RAB27A: variants seen among roughly 807,000 people sequenced by gnomAD.
RAB27A encodes RAB27A, member RAS oncogene family, also known as ras-related protein Rab-27A.
In RAB27A, 17 loss-of-function variants were observed where a neutral mutation model predicts 20.8. The observed-to-expected ratio is 0.82, with a 90% CI of 0.56 to 1.23. The LOEUF (loss-of-function observed/expected upper bound fraction) is 1.23, where lower values mean the gene tolerates loss of function less well. Ranked by LOEUF, RAB27A falls within the 50% of genes most tolerant of loss-of-function variation. The pLI is 0.00. For missense variants in RAB27A, 277 were observed against 266.7 expected (o/e 1.04, Z -0.27); for synonymous variants, 85 against 92.8 (o/e 0.92, Z 0.48).
intron 2 of RAB27A, among the ~76,000 whole-genome samples, chr15:55,310,245 A>C (rs138373299): frequency 0.051 from 7,785 of 152,178 alleles, 276 homozygotes; most frequent in East Asian, 0.15. Context: ...GATCTGGAGG[A>C]CAGTTGTCCA....
At chr15:55,256,681 A>G (rs528023142) in intron 2 of RAB27A, among the ~76,000 whole-genome samples, 67 of 152,352 alleles carry the variant, frequency 4.4e-4, no homozygotes, top group African/African-American at 1.6e-3. Flanking sequence ...CTTATGAGGT[A>G]ATGTGACAAA....
At chr15:55,271,669 G>A (rs192602957) in intron 1 of RAB27A, among the ~76,000 whole-genome samples, 71 of 152,340 alleles carry the variant, frequency 4.7e-4, no homozygotes, top group African/African-American at 1.6e-3. Context: ...GAAGACAGGG[G>A]TTGTATCTTG....
At chr15:55,262,036 C>CAA (rs75960374) in intron 2 of RAB27A, among the ~76,000 whole-genome samples, 4 of 84,124 alleles carry the variant, frequency 4.8e-5, no homozygotes, top group African/African-American at 8.7e-5. Context: ...GACTCCATCC[C>CAA]AAAAAAAAAA....
intron 1 of RAB27A, among the ~76,000 whole-genome samples, chr15:55,314,714 G>T (rs921162840): frequency 6.6e-6 from 1 of 152,168 alleles, no homozygotes; most frequent in African/African-American, 2.4e-5. Context: ...CAAGGGATGT[G>T]AAGGACCTCT....
intron 2 of RAB27A, among the ~76,000 whole-genome samples, chr15:55,256,905 G>C (rs137893315): frequency 6.6e-6 from 1 of 152,154 alleles, no homozygotes. Flanking sequence ...AATTTAAGTG[G>C]GGTCATGGTG....
chr15:55,265,128 G>C (rs1897417914), intron 2 of RAB27A, among the ~76,000 whole-genome samples: 1 of 152,158 alleles, frequency 6.6e-6, no homozygotes, highest in South Asian at 2.1e-4. Flanking sequence ...TGTAATCCCA[G>C]CTACTTGGGA....
exon 1 of RAB27A, chr15:55,319,079 G>C: frequency 2.6e-6 from 2 of 760,964 alleles, no homozygotes; most frequent in Non-Finnish European, 4.0e-6. Context: ...TTCGGAAACG[G>C]CGAAAGGAAA....
At chr15:55,228,241 G>C (rs984170699) in intron 5 of RAB27A, among the ~76,000 whole-genome samples, 9 of 152,160 alleles carry the variant, frequency 5.9e-5, no homozygotes, top group Non-Finnish European at 7.3e-5. Flanking sequence ...AGAGATGATA[G>C]AAGAATTGAT....
chr15:55,229,398 A>T (rs2140975396), intron 4 of RAB27A, among the ~76,000 whole-genome samples: 1 of 152,336 alleles, frequency 6.6e-6, no homozygotes, highest in South Asian at 2.1e-4. Flanking sequence ...GTTCTTGGCC[A>T]GGGGCCATGG....
At chr15:55,232,906 T>C (rs1031402530) in intron 3 of RAB27A, among the ~76,000 whole-genome samples, 2 of 152,132 alleles carry the variant, frequency 1.3e-5, no homozygotes, top group African/African-American at 4.8e-5. Flanking sequence ...GGTGGATCAC[T>C]TGAGGCCAGG....
At chr15:55,272,306 G>C (rs1190805427) in intron 1 of RAB27A, among the ~76,000 whole-genome samples, 2 of 152,214 alleles carry the variant, frequency 1.3e-5, no homozygotes, top group Non-Finnish European at 1.5e-5. Context: ...GGCTGAGGCA[G>C]GAGAATGCCG....
intron 2 of RAB27A, chr15:55,237,202 T>C (rs2140996682): frequency 6.6e-6 from 1 of 152,334 alleles, no homozygotes. Flanking sequence ...CCATATTCAG[T>C]GCTTCCTGTA....
chr15:55,210,274 A>G (rs1311103215), intron 6 of RAB27A, among the ~76,000 whole-genome samples: 5 of 126,106 alleles, frequency 4.0e-5, no homozygotes, highest in South Asian at 2.5e-4. Context: ...TGGTAGTTCT[A>G]TTTTTAGTTT....
intron 2 of RAB27A, among the ~76,000 whole-genome samples, chr15:55,295,405 G>A (rs983179402): frequency 6.6e-6 from 1 of 152,166 alleles, no homozygotes; most frequent in Non-Finnish European, 1.5e-5. Flanking sequence ...TTGTACATAA[G>A]TGTTCATAGC....
intron 1 of RAB27A, among the ~76,000 whole-genome samples, chr15:55,275,477 A>G (rs1191975980): frequency 6.6e-6 from 1 of 151,270 alleles, no homozygotes; most frequent in Non-Finnish European, 1.5e-5. Flanking sequence ...AAATACAAAA[A>G]TTAGCTGGGC....
At chr15:55,218,720 G>A (rs1024843481) in intron 6 of RAB27A, among the ~76,000 whole-genome samples, 2 of 151,150 alleles carry the variant, frequency 1.3e-5, no homozygotes, top group African/African-American at 4.9e-5. Flanking sequence ...TGTACATTCA[G>A]TTGTCATTCT....
chr15:55,234,277 G>A (rs996602405), intron 3 of RAB27A, among the ~76,000 whole-genome samples: 1 of 152,098 alleles, frequency 6.6e-6, no homozygotes, highest in African/African-American at 2.4e-5. Context: ...TCAACATTCT[G>A]CAGAACATCA....
At chr15:55,314,765 G>A (rs1181850793) in intron 1 of RAB27A, among the ~76,000 whole-genome samples, 1 of 152,046 alleles carries the variant, frequency 6.6e-6, no homozygotes, top group Non-Finnish European at 1.5e-5. Context: ...AAATAAGAGA[G>A]GACACAAACA....
chr15:55,235,544 A>G (rs939925140), intron 2 of RAB27A, among the ~76,000 whole-genome samples: 2 of 152,164 alleles, frequency 1.3e-5, no homozygotes, highest in Non-Finnish European at 2.9e-5. Context: ...GATAATCAAC[A>G]AGAAGGTAAC....
Sources: allele counts gnomAD v4.1 joint callset (sites outside exome capture counted in the v4.1 genomes callset), GRCh38; gene constraint gnomAD v4.1.1; transcripts MANE v1.5; gene names NCBI Gene and HGNC (gene_info 2026-07-23, HGNC 2026-07-21).